The following HERC2 variants were observed in gnomAD, a reference collection of about 807,000 sequenced individuals.
HERC2 encodes the protein HECT and RLD domain containing E3 ubiquitin protein ligase 2, also known as E3 ubiquitin-protein ligase HERC2.
Under a neutral mutation model 537.7 loss-of-function variants are expected in HERC2, and 102 were observed. The ratio of observed to expected loss-of-function variants is 0.19; its 90% CI spans 0.16 to 0.22. The LOEUF (loss-of-function observed/expected upper bound fraction) is 0.22. HERC2 is among the 10% of genes least tolerant of loss of function. HERC2 has a pLI of 1.00. For missense variants in HERC2, 4,236 were observed against 6,198.2 expected (o/e 0.68, Z 10.63); for synonymous variants, 2,224 against 2,466.2 (o/e 0.90, Z 2.91).
At chr15:28,152,888 G>C (rs1448228588) in intron 69 of HERC2, 58 bp from the exon 70 acceptor site, 1 of 1,510,208 alleles carries the variant, frequency 6.6e-7, no homozygotes, top group East Asian at 2.5e-5. Flanking sequence ...CTGGTCACCT[G>C]CATGCCACCT....
intron 53 of HERC2, among the ~76,000 whole-genome samples, chr15:28,191,575 G>A (rs976060916): frequency 1.3e-5 from 2 of 152,154 alleles, no homozygotes; most frequent in Non-Finnish European, 2.9e-5. Context: ...GTGTGCCCAC[G>A]AGGTGCCTCC....
At chr15:28,224,974 T>C (rs765524468) in intron 35 of HERC2, among the ~76,000 whole-genome samples, 3 of 152,270 alleles carry the variant, frequency 2.0e-5, no homozygotes, top group East Asian at 1.9e-4. Context: ...AAAACTTCTG[T>C]GCTGCGCCAA....
chr15:28,197,795 C>T (rs974485655), intron 50 of HERC2, among the ~76,000 whole-genome samples: 5 of 152,128 alleles, frequency 3.3e-5, no homozygotes, highest in African/African-American at 7.2e-5. Flanking sequence ...AATGTTAGAA[C>T]ATTTCACAGA....
intron 25 of HERC2, among the ~76,000 whole-genome samples, chr15:28,237,900 A>T (rs948059821): frequency 1.3e-5 from 2 of 152,228 alleles, no homozygotes; most frequent in Non-Finnish European, 2.9e-5. Context: ...TTGATCATTT[A>T]AAAAACAATT....
chr15:28,304,048 G>C (rs1025429612), intron 2 of HERC2, among the ~76,000 whole-genome samples: 12 of 151,422 alleles, frequency 7.9e-5, no homozygotes, highest in Non-Finnish European at 7.4e-5. Flanking sequence ...CGCCTGTAAT[G>C]CCAGCTACTC....
Position 28,215,671 on chromosome 15 carries a change from T to C in HERC2, c.6160A>G (p.Lys2054Glu). The C allele has an allele frequency of 6.2e-7, 1 of 1,611,908 alleles. No individual in the cohort carries two copies. Among genetic ancestry groups the C allele is most frequent in the Non-Finnish European group, 8.5e-7 (1 of 1,179,796 alleles). Reference sequence around the variant, plus strand: ...AAGGGTGCGTGCCCTTCCACGACCTTCATGAGCAGCGTGATCCACTGCGGG... The same window carrying C: ...AAGGGTGCGTGCCCTTCCACGACCTCCATGAGCAGCGTGATCCACTGCGGG... ...SSPQWITLLMKVVEGHAPFTA... is the reference protein window; with the variant it reads ...SSPQWITLLMEVVEGHAPFTA... Residue 2054 changes from lysine (K) to glutamate (E), a missense_variant, in exon 39 of 93, where the codon AAG (lysine) becomes GAG (glutamate). Coordinates refer to ENST00000261609, the MANE Select transcript of HERC2 (RefSeq NM_004667.6).
chr15:28,256,840 C>T (rs1234695918), intron 17 of HERC2, among the ~76,000 whole-genome samples: 6 of 152,310 alleles, frequency 3.9e-5, no homozygotes, highest in Non-Finnish European at 7.4e-5. Context: ...GTGATCCACC[C>T]GCCCAGGCCT....
intron 2 of HERC2, chr15:28,320,475 A>G (rs1204564640): frequency 1.3e-5 from 2 of 152,108 alleles, no homozygotes; most frequent in Non-Finnish European, 2.9e-5. Flanking sequence ...CTGTTTAAAA[A>G]GAAAAAAAAA....
At chr15:28,288,725 G>A (rs1314937897) in intron 4 of HERC2, among the ~76,000 whole-genome samples, 7 of 151,462 alleles carry the variant, frequency 4.6e-5, no homozygotes, top group African/African-American at 1.7e-4. Flanking sequence ...GTGCCTGCCT[G>A]TAATCCCAGC....
At chr15:28,319,878 C>G (rs2077186239) in intron 2 of HERC2, among the ~76,000 whole-genome samples, 1 of 152,180 alleles carries the variant, frequency 6.6e-6, no homozygotes, top group African/African-American at 2.4e-5. Context: ...AATACATAAA[C>G]ACTAATATAA....
At chr15:28,195,619 G>A (rs1161047519) in intron 52 of HERC2, among the ~76,000 whole-genome samples, 1 of 151,932 alleles carries the variant, frequency 6.6e-6, no homozygotes, top group Non-Finnish European at 1.5e-5. Flanking sequence ...GAGATGTCTG[G>A]AGTGGTCATA....
chr15:28,156,525 T>G (rs1224160206), intron 69 of HERC2, among the ~76,000 whole-genome samples: 1 of 152,236 alleles, frequency 6.6e-6, no homozygotes, highest in African/African-American at 2.4e-5. Flanking sequence ...CAATTGTGAA[T>G]GGGATTTCAC....
At chr15:28,238,285 G>C (rs1223576563) in intron 24 of HERC2, 68 bp from the exon 25 acceptor site, 2 of 1,156,242 alleles carry the variant, frequency 1.7e-6, no homozygotes, top group African/African-American at 3.0e-5. Context: ...AGGAGAAACA[G>C]TGAATAGGAA....
At position 28,202,357 on chromosome 15, in the gene HERC2, G is replaced by A; in HGVS notation, c.7470C>T (p.Ser2490=). 2 of 1,613,910 alleles carry A rather than the reference G, an allele frequency of 1.2e-6. No homozygotes were observed. The highest frequency in any genetic ancestry group is 1.7e-6 in the Non-Finnish European group (2 of 1,179,854). ...KSLTGASGNA[S]SLPGVEALVG... is the part of the protein sequence containing the mutation. ...AGGAAAACGAAGTACCAGGCAAGCT[G>A]GATGCATTCCCGGAAGCACCAGTGA... Residue 2490 remains serine (S), a synonymous_variant, in exon 46 of 93, where the codon TCC becomes TCT. Coordinates refer to ENST00000261609, the MANE Select transcript of HERC2 (RefSeq NM_004667.6).
intron 37 of HERC2, among the ~76,000 whole-genome samples, chr15:28,219,934 C>G (rs1567032378): frequency 1.3e-5 from 2 of 152,232 alleles, no homozygotes; most frequent in Non-Finnish European, 2.9e-5. Context: ...AAATTCTCAC[C>G]TCTGCTTCCC....
chr15:28,264,039 C>CA (rs2075492610), intron 14 of HERC2, among the ~76,000 whole-genome samples: 2 of 123,126 alleles, frequency 1.6e-5, no homozygotes, highest in Non-Finnish European at 3.4e-5. Flanking sequence ...AAAAAAAAAA[C>CA]AAACAAAAAC....
intron 88 of HERC2, among the ~76,000 whole-genome samples, chr15:28,116,172 T>C (rs1888220256): frequency 6.6e-6 from 1 of 151,952 alleles, no homozygotes; most frequent in Non-Finnish European, 1.5e-5. Context: ...CTCGTTCGCT[T>C]CCACAATGTT....
rs752130694 is a variant in HERC2, at chr15:28,237,158, T to C, written c.3853-45A>G. The C allele has an allele frequency of 2.0e-6, 3 of 1,515,074 alleles. No homozygotes were observed. The Admixed American group carries it at 5.0e-5, about 25-fold the overall frequency. 93.9% of individuals were successfully genotyped at this position (1,515,074 alleles called of 1,614,324 possible). Reference sequence around the variant, plus strand: ...CATCAATCTGAGGAAACAGAATTAATTAAAAACATAAAACCAAAAGGACAG... The same window carrying C: ...CATCAATCTGAGGAAACAGAATTAACTAAAAACATAAAACCAAAAGGACAG... On this transcript the variant is annotated intron_variant, in intron 25 of 92. Transcript: ENST00000261609.
intron 70 of HERC2, among the ~76,000 whole-genome samples, chr15:28,152,191 G>T (rs1468056320): frequency 1.3e-5 from 2 of 152,242 alleles, no homozygotes; most frequent in East Asian, 3.8e-4. Flanking sequence ...CAGCACACGT[G>T]TCCAGTCAGC....
Sources: allele counts gnomAD v4.1 joint callset (sites outside exome capture counted in the v4.1 genomes callset), GRCh38; gene constraint gnomAD v4.1.1; transcripts MANE v1.5; gene names NCBI Gene and HGNC (gene_info 2026-07-23, HGNC 2026-07-21).